LRRTM3: variants seen among roughly 807,000 people sequenced by gnomAD.
The protein encoded by LRRTM3 is leucine-rich repeat transmembrane neuronal protein 3.
In LRRTM3, 24 loss-of-function variants were observed where a neutral mutation model predicts 44.7. The observed-to-expected ratio is 0.54, with a 90% CI of 0.39 to 0.76. The LOEUF (loss-of-function observed/expected upper bound fraction) is 0.76, where lower values mean the gene tolerates loss of function less well. LRRTM3 is among the 30% of genes least tolerant of loss of function. The pLI is 0.00. For missense variants in LRRTM3, 587 were observed against 702.2 expected, an observed-to-expected ratio of 0.84 and a Z score of 1.85; for synonymous variants, 277 against 278.7, an observed-to-expected ratio of 0.99 and a Z score of 0.06.
intron 2 of LRRTM3, among the ~76,000 whole-genome samples, chr10:66,951,114 C>T (rs1848516971): frequency 7.2e-6 from 1 of 139,786 alleles, no homozygotes; most frequent in Non-Finnish European, 1.6e-5. Context: ...CACACACACA[C>T]ACACTGTCTT....
In LRRTM3 at chr10:66,993,574, T is replaced by C. The variant is rs556306035; in HGVS notation, c.1536+65122T>C. On this transcript the variant is annotated intron_variant, in intron 2 of 2. Coordinates refer to ENST00000361320, the MANE Select transcript of LRRTM3 (RefSeq NM_178011.5). The stretch of plus-strand genomic sequence containing the variant: ...AACTATGAATCTATAAATTTTAGAA[T>C]TAACTTGTCTGGTTCCATCCAAATT... 2.6e-3 allele frequency among the ~76,000 whole-genome samples: 401 copies of C among 152,272 alleles called. 1 individual carries two copies. The highest frequency in any genetic ancestry group is 6.8e-3 in the Middle Eastern group (2 of 292).
chr10:67,005,480 C>T (rs1208731802), intron 2 of LRRTM3, among the ~76,000 whole-genome samples: 4 of 151,696 alleles, frequency 2.6e-5, no homozygotes, highest in Non-Finnish European at 5.9e-5. Flanking sequence ...TCACATAGGC[C>T]ATAGGTTTTA....
intron 2 of LRRTM3, among the ~76,000 whole-genome samples, chr10:66,964,410 C>G (rs1320205025): frequency 6.6e-6 from 1 of 151,658 alleles, no homozygotes; most frequent in African/African-American, 2.4e-5. Flanking sequence ...CATTTTTAAA[C>G]TGGCACAAAA....
At chr10:67,036,077 T>A (rs566845000) in intron 2 of LRRTM3, among the ~76,000 whole-genome samples, 1 of 152,330 alleles carries the variant, frequency 6.6e-6, no homozygotes, top group South Asian at 2.1e-4. Flanking sequence ...TGACCTTATT[T>A]CTATTAGAGA....
Position 67,098,501 on chromosome 10 carries a change from C to T in LRRTM3, c.*705C>T, listed in dbSNP as rs778875851. On this transcript the variant is annotated 3_prime_UTR_variant, in exon 3 of 3. Transcript: ENST00000361320. ...AAAGATTTTTTTAACAGTTCTCAGA[C>T]TTAACTGTTGCCTTGAATTACAGCC... is the stretch of plus-strand genomic sequence containing the variant. The T allele has an allele frequency of 6.6e-6, 1 of 152,146 alleles. No individual in the cohort carries two copies. The highest frequency in any genetic ancestry group is 2.4e-5 in the African/African-American group (1 of 41,346). The allele number at this position is 152,146 out of a possible 1,614,324, so 9.4% of individuals were successfully genotyped here. A position where few individuals can be genotyped will look rare whatever the true frequency, so the allele number is the denominator to read the frequency against.
chr10:67,064,864 T>G (rs1451487499), intron 2 of LRRTM3, among the ~76,000 whole-genome samples: 1 of 152,228 alleles, frequency 6.6e-6, no homozygotes, highest in Non-Finnish European at 1.5e-5. Flanking sequence ...GAAATTTATA[T>G]GTAAGTATTT....
chr10:66,936,630 A>G (rs1001801154), intron 2 of LRRTM3, among the ~76,000 whole-genome samples: 1 of 152,088 alleles, frequency 6.6e-6, no homozygotes, highest in East Asian at 1.9e-4. Context: ...GAGTCATCGG[A>G]CAGATGGACT....
At chr10:66,990,857 C>T (rs1054577890) in intron 2 of LRRTM3, among the ~76,000 whole-genome samples, 1 of 152,140 alleles carries the variant, frequency 6.6e-6, no homozygotes, top group Non-Finnish European at 1.5e-5. Context: ...GTATCATGGG[C>T]ATCTTTAGCA....
At chr10:66,979,453 G>A (rs1163844176) in intron 2 of LRRTM3, among the ~76,000 whole-genome samples, 2 of 152,128 alleles carry the variant, frequency 1.3e-5, no homozygotes, top group Non-Finnish European at 2.9e-5. Flanking sequence ...ATTTAGTAAT[G>A]TAAGAGTTTC....
intron 2 of LRRTM3, among the ~76,000 whole-genome samples, chr10:67,005,889 T>A (rs1360991850): frequency 1.3e-5 from 2 of 151,762 alleles, no homozygotes; most frequent in Admixed American, 6.6e-5. Flanking sequence ...TATCACCATG[T>A]TGGCTAGGCT....
At chr10:67,081,990 A>T (rs973174123) in intron 2 of LRRTM3, among the ~76,000 whole-genome samples, 8 of 152,142 alleles carry the variant, frequency 5.3e-5, no homozygotes, top group Admixed American at 2.6e-4. Flanking sequence ...CCAGCACATA[A>T]CACAGTTCCT....
chr10:66,999,942 T>A (rs1364205488), intron 2 of LRRTM3, among the ~76,000 whole-genome samples: 1 of 152,228 alleles, frequency 6.6e-6, no homozygotes, highest in Non-Finnish European at 1.5e-5. Flanking sequence ...GATCAGTGAC[T>A]AGATTTTCCC....
At chr10:67,092,963 A>G (rs1485503602) in intron 2 of LRRTM3, among the ~76,000 whole-genome samples, 1 of 152,016 alleles carries the variant, frequency 6.6e-6, no homozygotes, top group Non-Finnish European at 1.5e-5. Flanking sequence ...AAGAGTATAC[A>G]TGATAATGCT....
intron 2 of LRRTM3, among the ~76,000 whole-genome samples, chr10:67,078,358 G>A (rs925358102): frequency 6.6e-6 from 1 of 152,140 alleles, no homozygotes; most frequent in Non-Finnish European, 1.5e-5. Context: ...TAAAGTTTAT[G>A]TGTGTGAATA....
rs190222677 is a variant in LRRTM3, at chr10:67,059,446, G to A, written c.1537-38141G>A. 4.9e-3 allele frequency among the ~76,000 whole-genome samples: 751 copies of A among 152,264 alleles called. 3 individuals are homozygous for A. The highest frequency in any genetic ancestry group is 0.027 in the Middle Eastern group (8 of 294). On this transcript the variant is annotated intron_variant, in intron 2 of 2. Coordinates refer to ENST00000361320, the MANE Select transcript of LRRTM3 (RefSeq NM_178011.5). The stretch of plus-strand genomic sequence containing the variant: ...TTGGAGGGGTATTTGGGCACAGACA[G>A]ATTGTAAGAGACACTCGATGGCAAG...
At chr10:66,981,369 CA>C (rs1239176530) in intron 2 of LRRTM3, among the ~76,000 whole-genome samples, 1 of 152,246 alleles carries the variant, frequency 6.6e-6, no homozygotes, top group Non-Finnish European at 1.5e-5. Flanking sequence ...TCAGCTCACT[CA>C]GGCATAAGTC....
At chr10:66,970,791 A>T (rs1849677144) in intron 2 of LRRTM3, among the ~76,000 whole-genome samples, 1 of 152,136 alleles carries the variant, frequency 6.6e-6, no homozygotes, top group Admixed American at 6.6e-5. Flanking sequence ...TATTTGAATT[A>T]TACCAAAAAA....
At chr10:67,005,766 A>C (rs1251608969) in intron 2 of LRRTM3, among the ~76,000 whole-genome samples, 1 of 126,988 alleles carries the variant, frequency 7.9e-6, no homozygotes, top group East Asian at 2.6e-4. Context: ...ACTCACTGCA[A>C]CCTCCGCCTC....
chr10:66,962,443 C>A (rs75504880), intron 2 of LRRTM3, among the ~76,000 whole-genome samples: 2,218 of 150,880 alleles, frequency 0.015, 65 homozygotes, highest in African/African-American at 0.05. Flanking sequence ...CAGAGTCTCA[C>A]TCTGTCGCTA....
Sources: gnomAD v4.1 joint callset for allele counts (sites outside exome capture counted in the v4.1 genomes callset) on GRCh38, gnomAD v4.1.1 for gene constraint, MANE v1.5 for transcripts, NCBI Gene and HGNC (gene_info 2026-07-23, HGNC 2026-07-21) for gene names.